Variants in PLXNA4 observed in about 807,000 individuals in gnomAD.
PLXNA4 encodes the protein plexin-A4.
A neutral mutation model predicts 191.8 loss-of-function variants in PLXNA4; 44 were observed. The observed-to-expected ratio is 0.23, with a 90% CI of 0.18 to 0.29. PLXNA4 has a LOEUF of 0.29. PLXNA4 is among the 10% of genes least tolerant of loss of function. PLXNA4 has a pLI of 1.00. For synonymous variants in PLXNA4, 1,082 were observed against 1,009.5 expected (o/e 1.07, Z -1.36); for missense variants, 1,800 against 2,488.8 (o/e 0.72, Z 5.89).
chr7:132,395,016 T>C (rs1793696258), intron 3 of PLXNA4, among the ~76,000 whole-genome samples: 1 of 152,244 alleles, frequency 6.6e-6, no homozygotes, highest in South Asian at 2.1e-4. Flanking sequence ...CAGGTGTGGC[T>C]GCACACTCCA....
upstream of PLXNA4, among the ~76,000 whole-genome samples, chr7:132,580,948 G>C (rs972098990): frequency 2.0e-5 from 3 of 152,174 alleles, no homozygotes; most frequent in African/African-American, 7.2e-5. Context: ...GCTCAGCAGA[G>C]GAGGCAAGAG....
chr7:132,646,933 TCA>T (rs1435566243), intron 1 of PLXNA4, among the ~76,000 whole-genome samples: 2 of 149,448 alleles, frequency 1.3e-5, no homozygotes, highest in Non-Finnish European at 3.0e-5. Flanking sequence ...ACACATGCAG[TCA>T]CACACATATA....
intron 1 of PLXNA4, among the ~76,000 whole-genome samples, chr7:132,563,093 CT>C (rs1585348519): frequency 3.8e-5 from 3 of 79,428 alleles, no homozygotes; most frequent in African/African-American, 9.4e-5. Flanking sequence ...TCCTCCTCTT[CT>C]TCCTCCTCCT....
chr7:132,332,555 T>C (rs375142657), intron 3 of PLXNA4, among the ~76,000 whole-genome samples: 3 of 152,202 alleles, frequency 2.0e-5, no homozygotes, highest in East Asian at 3.9e-4. Flanking sequence ...TTTATTCCAG[T>C]ATTATTCCAT....
chr7:132,193,978 C>G, intron 14 of PLXNA4, 84 bp downstream of exon 14: 1 of 1,518,136 alleles, frequency 6.6e-7, no homozygotes, highest in Non-Finnish European at 8.9e-7. Context: ...TGGGTTTGCT[C>G]ACAGAGCTCT....
intron 4 of PLXNA4, among the ~76,000 whole-genome samples, chr7:132,271,836 A>G (rs1453219547): frequency 3.9e-5 from 6 of 152,218 alleles, no homozygotes; most frequent in Non-Finnish European, 8.8e-5. Flanking sequence ...AAAAAATGAA[A>G]GTAGAAACTC....
intron 3 of PLXNA4, among the ~76,000 whole-genome samples, chr7:132,381,696 G>T (rs1026298794): frequency 6.6e-6 from 1 of 152,178 alleles, no homozygotes; most frequent in Non-Finnish European, 1.5e-5. Flanking sequence ...GGATGAATGC[G>T]GAGTGAATAT....
chr7:132,377,782 G>A lies in PLXNA4; in HGVS notation c.1372-79560C>T, dbSNP rs575726932. 7.2e-5 allele frequency among the ~76,000 whole-genome samples: 11 copies of A among 152,312 alleles called. No homozygotes were observed. The East Asian group carries it at 2.1e-3, about 29-fold the overall frequency. On this transcript the variant is annotated intron_variant, in intron 3 of 31. Transcript: ENST00000321063. ...ATCTGTGAGCAGGAAGGTATGGCCAGGGGTAACGAGTGAAATGCAGAGACC... is the reference window on the plus strand; with the variant it reads ...ATCTGTGAGCAGGAAGGTATGGCCAAGGGTAACGAGTGAAATGCAGAGACC...
intron 3 of PLXNA4, among the ~76,000 whole-genome samples, chr7:132,350,011 C>T (rs1563050858): frequency 6.6e-6 from 1 of 152,082 alleles, no homozygotes; most frequent in Non-Finnish European, 1.5e-5. Flanking sequence ...TGTGCTGCAG[C>T]CCTCCCCTTT....
intron 2 of PLXNA4, among the ~76,000 whole-genome samples, chr7:132,630,082 C>T (rs780230548): frequency 6.6e-6 from 1 of 152,128 alleles, no homozygotes; most frequent in South Asian, 2.1e-4. Flanking sequence ...AATCTCCTGA[C>T]CTTGTGATCC....
Position 132,496,706 on chromosome 7 carries a change from C to T in PLXNA4, c.1189-7232G>A, listed in dbSNP as rs968543908. On this transcript the variant is annotated intron_variant, in intron 2 of 31. Coordinates refer to ENST00000321063, the MANE Select transcript of PLXNA4 (RefSeq NM_020911.2). ...TGAGCTACCACACCTGGCTAAAAAA[C>T]TGATCTTAAGCACGGGTTTCCTCTG... 2.6e-5 allele frequency among the ~76,000 whole-genome samples: 4 copies of T among 152,294 alleles called. No homozygotes were observed. The South Asian group carries it at 8.3e-4, about 32-fold the overall frequency.
chr7:132,274,212 T>A (rs538560333), intron 4 of PLXNA4, among the ~76,000 whole-genome samples: 54 of 152,026 alleles, frequency 3.6e-4, no homozygotes, highest in Middle Eastern at 3.4e-3. Context: ...AAAAGAATTG[T>A]GGAGAGTGAT....
At chr7:132,151,577 AAGG>A (rs58646377) in intron 25 of PLXNA4, among the ~76,000 whole-genome samples, 1,322 of 33,676 alleles carry the variant, frequency 0.039, 55 homozygotes, top group Non-Finnish European at 0.074. Flanking sequence ...GAGGAGGAGA[AAGG>A]AGGAGGAGAA....
At chr7:132,560,562 C>T (rs1291520274) in intron 1 of PLXNA4, among the ~76,000 whole-genome samples, 1 of 152,146 alleles carries the variant, frequency 6.6e-6, no homozygotes, top group African/African-American at 2.4e-5. Flanking sequence ...ACTAGGTAAG[C>T]ATGAAGTTGA....
intron 4 of PLXNA4, among the ~76,000 whole-genome samples, chr7:132,286,592 C>T (rs2116432696): frequency 6.6e-6 from 1 of 152,272 alleles, no homozygotes; most frequent in South Asian, 2.1e-4. Context: ...CCTGCTCTAC[C>T]TCCACATCAT....
intron 19 of PLXNA4, 112 bp from the exon 20 acceptor site, chr7:132,180,033 A>C: frequency 6.9e-7 from 1 of 1,445,772 alleles, no homozygotes; most frequent in Non-Finnish European, 9.1e-7. Flanking sequence ...AAAGGAGACC[A>C]ATCACTGGTG....
At chr7:132,145,354 C>T (rs554079835) in intron 28 of PLXNA4, 66 bp from the exon 29 acceptor site, 687 of 1,601,982 alleles carry the variant, frequency 4.3e-4, no homozygotes, top group Admixed American at 5.7e-4. Context: ...CTTTTAAAAC[C>T]TGCCTCACAG....
In PLXNA4 at chr7:132,409,741, A is replaced by T. The variant is rs139217009; in HGVS notation, c.1371+79551T>A. Among the ~76,000 whole-genome samples, 17 of 152,336 alleles carry T rather than the reference A, an allele frequency of 1.1e-4. 1 individual carries two copies. The East Asian group carries it at 3.3e-3, about 29-fold the overall frequency. On this transcript the variant is annotated intron_variant, in intron 3 of 31. Transcript: ENST00000321063. ...TTTCTAGACCTGATATTCATCCAGCATGCACCAGGATGGATGGAAGATAAA... is the reference window on the plus strand; with the variant it reads ...TTTCTAGACCTGATATTCATCCAGCTTGCACCAGGATGGATGGAAGATAAA...
At chr7:132,398,105 C>T (rs1240857566) in intron 3 of PLXNA4, among the ~76,000 whole-genome samples, 4 of 152,216 alleles carry the variant, frequency 2.6e-5, no homozygotes, top group African/African-American at 4.8e-5. Flanking sequence ...TCCAAAGCCA[C>T]GCTGTGCCTC....
Sources: gnomAD v4.1 joint callset for allele counts (sites outside exome capture counted in the v4.1 genomes callset) on GRCh38, gnomAD v4.1.1 for gene constraint, MANE v1.5 for transcripts, NCBI Gene and HGNC (gene_info 2026-07-23, HGNC 2026-07-21) for gene names.